CDC42BPA: variants seen among roughly 807,000 people sequenced by gnomAD.
CDC42BPA encodes the protein CDC42 binding protein kinase alpha, also known as serine/threonine-protein kinase MRCK alpha.
CDC42BPA carries 80 observed loss-of-function variants against 223.5 expected under a neutral mutation model. The ratio of observed to expected loss-of-function variants is 0.36; its 90% confidence interval spans 0.30 to 0.43. The LOEUF (loss-of-function observed/expected upper bound fraction) is 0.43, where lower values mean the gene tolerates loss of function less well. CDC42BPA is among the 20% of genes least tolerant of loss of function. The pLI is 1.00. For missense variants in CDC42BPA, 1,743 were observed against 2,099.9 expected (o/e 0.83, Z 3.32); for synonymous variants, 694 against 718.6 (o/e 0.97, Z 0.55).
chr1:227,318,078 C>G lies in CDC42BPA; in HGVS notation c.-896G>C. On this transcript the variant is annotated 5_prime_UTR_variant, in exon 1 of 37. Coordinates refer to ENST00000366766, the MANE Select transcript of CDC42BPA (RefSeq NM_001394014.1). ...CGCTCGTGGGCCGAGCCGCGCCGCG[C>G]CGCGCCGGGCAGAGAGCCCGGTCTC... The G allele has an allele frequency of 1.5e-5, 4 of 262,150 alleles. No individual in the cohort carries two copies. The highest frequency in any genetic ancestry group is 2.8e-5 in the Non-Finnish European group (4 of 141,098). 16.2% of individuals were successfully genotyped at this position (262,150 alleles called of 1,614,324 possible).
rs571003925 is a variant in CDC42BPA, at chr1:227,147,347, A to C, written c.894+12T>G. ...TACCACATTAATTTGAACAAAAGTA[A>C]AACATACTAACTTTGTGGTTCATGA... On this transcript the variant is annotated intron_variant, in intron 7 of 36. Transcript: ENST00000366766. 8 of 1,592,130 alleles carry C rather than the reference A, an allele frequency of 5.0e-6. No homozygotes were observed. The Admixed American group carries it at 1.2e-4, about 24-fold the overall frequency.
At chr1:227,115,722 T>C (rs1341767774) in intron 12 of CDC42BPA, among the ~76,000 whole-genome samples, 1 of 152,000 alleles carries the variant, frequency 6.6e-6, no homozygotes, top group Non-Finnish European at 1.5e-5. Flanking sequence ...GCAACTAAAT[T>C]AGAAGTCAAC....
At chr1:227,112,048 T>C (rs1160318593) in intron 14 of CDC42BPA, 2 of 283,044 alleles carry the variant, frequency 7.1e-6, no homozygotes, top group Admixed American at 5.1e-5. Context: ...AGATTACCAG[T>C]ACATCTTGTG....
In CDC42BPA at chr1:227,139,615, G is replaced by T. The variant is rs762497555; in HGVS notation, c.1351C>A (p.Leu451Ile). 4.4e-6 allele frequency: 7 copies of T among 1,605,902 alleles called. No individual in the cohort carries two copies. Among genetic ancestry groups the T allele is most frequent in the Non-Finnish European group, 5.9e-6 (7 of 1,177,246 alleles). ...TEAYERRIKR[L>I]EQEKLELSRK... ...CTGAGTTCAAGTTTTTCTTGCTCAA[G>T]GCGCTTAATTCTTCTTTCATAAGCT... Residue 451 changes from leucine (L) to isoleucine (I), a missense_variant, in exon 10 of 37, where the codon CTT becomes ATT. Coordinates refer to ENST00000366766, the MANE Select transcript of CDC42BPA (RefSeq NM_001394014.1).
intron 21 of CDC42BPA, chr1:227,059,461 A>C: frequency 3.4e-6 from 5 of 1,451,180 alleles, no homozygotes; most frequent in Non-Finnish European, 4.7e-6. Flanking sequence ...TTACACACAT[A>C]AGACTCTCAA....
chr1:227,069,937 A>C, intron 20 of CDC42BPA, 84 bp from the exon 21 acceptor site: 2 of 859,246 alleles, frequency 2.3e-6, no homozygotes, highest in East Asian at 2.6e-5. Flanking sequence ...GAATCTACTA[A>C]AAGCAGTTCA....
intron 3 of CDC42BPA, among the ~76,000 whole-genome samples, chr1:227,203,693 C>A (rs974955239): frequency 6.6e-6 from 1 of 152,298 alleles, no homozygotes; most frequent in East Asian, 1.9e-4. Context: ...ACTTTCTCAA[C>A]CAAATGTTCA....
intron 1 of CDC42BPA, among the ~76,000 whole-genome samples, chr1:227,300,283 T>TCTA (rs1691393095): frequency 1.3e-5 from 2 of 152,052 alleles, no homozygotes; most frequent in Admixed American, 1.3e-4. Context: ...TAAAAGTATA[T>TCTA]CTACCATTTG....
intron 2 of CDC42BPA, among the ~76,000 whole-genome samples, chr1:227,252,147 G>A (rs1261828197): frequency 1.3e-5 from 2 of 151,548 alleles, no homozygotes; most frequent in Non-Finnish European, 3.0e-5. Context: ...TAAAACCAAA[G>A]AAAATATTAT....
intron 12 of CDC42BPA, among the ~76,000 whole-genome samples, chr1:227,116,274 G>C (rs1333103251): frequency 2.0e-5 from 3 of 152,080 alleles, no homozygotes; most frequent in Admixed American, 6.6e-5. Flanking sequence ...GTCTACAAAC[G>C]TAGTTCACCA....
intron 1 of CDC42BPA, among the ~76,000 whole-genome samples, chr1:227,300,715 G>A (rs936045188): frequency 2.0e-5 from 3 of 152,098 alleles, no homozygotes; most frequent in African/African-American, 7.2e-5. Flanking sequence ...ACTATATATT[G>A]GGTAAAATGT....
intron 28 of CDC42BPA, 103 bp downstream of exon 28, chr1:227,031,195 C>A: frequency 1.2e-6 from 1 of 805,362 alleles, no homozygotes; most frequent in Non-Finnish European, 2.1e-6. Flanking sequence ...ATATGATGCA[C>A]AGTATGTTGG....
chr1:227,218,845 G>T (rs1419401173), intron 2 of CDC42BPA, among the ~76,000 whole-genome samples: 1 of 152,120 alleles, frequency 6.6e-6, no homozygotes, highest in Non-Finnish European at 1.5e-5. Context: ...ATGGGGGAGG[G>T]AACTAAATAT....
At chr1:227,090,277 T>C (rs1181505216) in intron 16 of CDC42BPA, among the ~76,000 whole-genome samples, 3 of 152,208 alleles carry the variant, frequency 2.0e-5, no homozygotes, top group African/African-American at 7.2e-5. Flanking sequence ...AATACTTATT[T>C]AGCATTTTAA....
intron 21 of CDC42BPA, among the ~76,000 whole-genome samples, chr1:227,060,421 G>A (rs928025510): frequency 1.3e-5 from 2 of 152,138 alleles, no homozygotes. Context: ...ATACTAAGCC[G>A]ACTTTGCAAG....
intron 16 of CDC42BPA, 67 bp downstream of exon 16, chr1:227,091,819 C>T: frequency 1.3e-6 from 1 of 799,044 alleles, no homozygotes; most frequent in Non-Finnish European, 2.0e-6. Flanking sequence ...AAGTTATACC[C>T]ACAATTCCTA....
chr1:227,108,292 T>C (rs1045845841), intron 14 of CDC42BPA, among the ~76,000 whole-genome samples: 2 of 152,178 alleles, frequency 1.3e-5, no homozygotes, highest in Non-Finnish European at 2.9e-5. Context: ...TAAGTTCTGG[T>C]GTATTGTATT....
intron 1 of CDC42BPA, among the ~76,000 whole-genome samples, chr1:227,273,548 A>AC (rs1686349332): frequency 6.6e-6 from 1 of 151,466 alleles, no homozygotes; most frequent in South Asian, 2.1e-4. Context: ...AAAAAAAAAA[A>AC]CCAACAACAA....
rs751880579 is a variant in CDC42BPA, at chr1:227,073,855, C to A, written c.2735+9G>T. 3 of 1,549,856 alleles carry A rather than the reference C, an allele frequency of 1.9e-6. No homozygotes were observed. The South Asian group carries it at 3.6e-5, about 19-fold the overall frequency. The stretch of plus-strand genomic sequence containing the variant: ...ATTATTCTAGTGGGACTATATGATT[C>A]AATCTTACCATTCTGTTATGATATT... On this transcript the variant is annotated intron_variant, in intron 19 of 36. Coordinates refer to ENST00000366766, the MANE Select transcript of CDC42BPA (RefSeq NM_001394014.1).
Sources: allele counts gnomAD v4.1 joint callset (sites outside exome capture counted in the v4.1 genomes callset), GRCh38; gene constraint gnomAD v4.1.1; transcripts MANE v1.5; gene names NCBI Gene and HGNC (gene_info 2026-07-23, HGNC 2026-07-21).